COL21A1: variants seen among roughly 807,000 people sequenced by gnomAD.
COL21A1 encodes collagen type XXI alpha 1 chain.
COL21A1 carries 149 observed loss-of-function variants against 137.9 expected under a neutral mutation model. That is an observed-to-expected ratio of 1.08 (90% CI 0.95 to 1.24). The LOEUF (loss-of-function observed/expected upper bound fraction) is 1.24, where lower values mean the gene tolerates loss of function less well. Among genes scored for constraint, COL21A1 ranks in the 50% most tolerant of loss-of-function variants. The pLI is 0.00. For synonymous variants in COL21A1, 456 were observed against 391.5 expected, an observed-to-expected ratio of 1.16 and a Z score of -1.95; for missense variants, 1,167 against 1,158.4, an observed-to-expected ratio of 1.01 and a Z score of -0.11.
rs1246828747 is a variant in COL21A1, at chr6:56,097,861, ATAAAAATATC to A, written c.1812+3601_1812+3610del. On this transcript the variant is annotated intron_variant, in intron 17 of 29. Coordinates refer to ENST00000244728, the MANE Select transcript of COL21A1 (RefSeq NM_030820.4). ...TAAATATATAAATATATATAAATAT[ATAAAAATATC>A]TATAAATATATAAATATATATAAAT... Among the ~76,000 whole-genome samples the A allele has an allele frequency of 9.8e-3, 940 of 95,478 alleles. 100 individuals are homozygous for A. Among genetic ancestry groups the A allele is most frequent in the African/African-American group, 0.042 (901 of 21,378 alleles). The allele number at this position is 95,478 out of a possible 152,430, so 62.6% of individuals were successfully genotyped here. A position where few individuals can be genotyped will look rare whatever the true frequency, so the allele number is the denominator to read the frequency against.
At chr6:56,362,905 C>T (rs7452915) in intron 1 of COL21A1, among the ~76,000 whole-genome samples, 27,968 of 151,998 alleles carry the variant, frequency 0.18, 2,769 homozygotes, top group African/African-American at 0.23. Flanking sequence ...CCCTACCCCC[C>T]ACGCCCACAT....
intron 1 of COL21A1, among the ~76,000 whole-genome samples, chr6:56,312,492 G>A (rs942036376): frequency 6.6e-6 from 1 of 152,192 alleles, no homozygotes; most frequent in Non-Finnish European, 1.5e-5. Context: ...GGAACATTCA[G>A]TAAATGAAAA....
intron 9 of COL21A1, among the ~76,000 whole-genome samples, chr6:56,161,501 T>C (rs1561932062): frequency 6.6e-6 from 1 of 152,270 alleles, no homozygotes; most frequent in East Asian, 1.9e-4. Flanking sequence ...CTTATTGTTT[T>C]GACAATTTCA....
chr6:56,209,582 C>A (rs1174658431), intron 1 of COL21A1, among the ~76,000 whole-genome samples: 2 of 152,064 alleles, frequency 1.3e-5, no homozygotes. Flanking sequence ...CAATGAGATA[C>A]CATCTCATGC....
intron 17 of COL21A1, among the ~76,000 whole-genome samples, chr6:56,097,200 T>A (rs1338384655): frequency 6.6e-6 from 1 of 151,986 alleles, no homozygotes; most frequent in Admixed American, 6.6e-5. Context: ...GAGAGGGGAA[T>A]GGAAGAAAAG....
chr6:56,062,279 C>A (rs1282908387), intron 24 of COL21A1, among the ~76,000 whole-genome samples: 1 of 152,078 alleles, frequency 6.6e-6, no homozygotes, highest in Non-Finnish European at 1.5e-5. Flanking sequence ...GATATAAACA[C>A]TGGGGAGCCC....
At chr6:56,271,784 A>C (rs1437723528) in intron 1 of COL21A1, among the ~76,000 whole-genome samples, 1 of 152,226 alleles carries the variant, frequency 6.6e-6, no homozygotes, top group African/African-American at 2.4e-5. Flanking sequence ...CAGACACTCC[A>C]GCTCCAGCCA....
intron 17 of COL21A1, among the ~76,000 whole-genome samples, chr6:56,081,437 C>T (rs1463294038): frequency 6.6e-6 from 1 of 151,792 alleles, no homozygotes; most frequent in Non-Finnish European, 1.5e-5. Context: ...GTAATACTAT[C>T]ATGACTTTTG....
intron 14 of COL21A1, among the ~76,000 whole-genome samples, chr6:56,124,777 G>A (rs2152212063): frequency 6.6e-6 from 1 of 152,036 alleles, no homozygotes; most frequent in East Asian, 1.9e-4. Flanking sequence ...GAGTAGCTGG[G>A]ACTACAGGCG....
At chr6:56,323,646 C>T (rs1477997548) in intron 1 of COL21A1, among the ~76,000 whole-genome samples, 2 of 152,092 alleles carry the variant, frequency 1.3e-5, no homozygotes, top group Non-Finnish European at 2.9e-5. Context: ...CCTCAGCCTC[C>T]CAAAGTGCTG....
chr6:56,177,619 C>T (rs1777584555), intron 3 of COL21A1, among the ~76,000 whole-genome samples: 1 of 151,630 alleles, frequency 6.6e-6, no homozygotes, highest in Non-Finnish European at 1.5e-5. Context: ...ACGGTGAAAC[C>T]CGTTCTCTAC....
chr6:56,362,756 C>G lies in COL21A1; in HGVS notation c.-39+31215G>C, dbSNP rs541983587. Among the ~76,000 whole-genome samples, 10 of 152,268 alleles carry G rather than the reference C, an allele frequency of 6.6e-5. No individual in the cohort carries two copies. In the South Asian group the frequency reaches 2.1e-3, roughly 32 times the overall value. Reference sequence around the variant, plus strand: ...GCCCTCCCCACTCCCACCACCTCTACCACCTAGGCCCCTCTGTTAAGAACC... The same window carrying G: ...GCCCTCCCCACTCCCACCACCTCTAGCACCTAGGCCCCTCTGTTAAGAACC... On this transcript the variant is annotated intron_variant, in intron 1 of 28. Transcript: ENST00000370819.
intron 1 of COL21A1, among the ~76,000 whole-genome samples, chr6:56,204,074 T>C (rs986144495): frequency 1.3e-5 from 2 of 151,812 alleles, no homozygotes; most frequent in Non-Finnish European, 2.9e-5. Flanking sequence ...GCTGTGGAGT[T>C]TTTTTGTTTG....
At chr6:56,376,147 T>C (rs567884254) in intron 1 of COL21A1, among the ~76,000 whole-genome samples, 1 of 152,184 alleles carries the variant, frequency 6.6e-6, no homozygotes, top group South Asian at 2.1e-4. Flanking sequence ...GCCACAGGAG[T>C]AGAGGGTTTT....
rs934538482 is a variant in COL21A1, at chr6:56,061,044, G to A, written c.2206-7C>T. The A allele has an allele frequency of 1.9e-6, 3 of 1,569,036 alleles. No homozygotes were observed. The highest frequency in any genetic ancestry group is 2.6e-6 in the Non-Finnish European group (3 of 1,165,560). On this transcript the variant is annotated splice_polypyrimidine_tract_variant and splice_region_variant and intron_variant, in intron 25 of 29. Coordinates refer to ENST00000244728, the MANE Select transcript of COL21A1 (RefSeq NM_030820.4). The stretch of plus-strand genomic sequence containing the variant: ...GTTCTCCCTTTTCACCTCTCTAAAA[G>A]CAAAAGAAATCTTTACAAGTTCTAT...
At chr6:56,311,728 C>A (rs9357908) in intron 1 of COL21A1, among the ~76,000 whole-genome samples, 1 of 152,066 alleles carries the variant, frequency 6.6e-6, no homozygotes, top group South Asian at 2.1e-4. Context: ...TTCTTGGGAC[C>A]CATTAGGCCC....
At chr6:56,247,893 AGCATC>A (rs1353092737), upstream of COL21A1, 2 of 152,308 alleles carry the variant, frequency 1.3e-5, no homozygotes, top group Non-Finnish European at 2.9e-5. Flanking sequence ...GCAACACCAG[AGCATC>A]GCCTGCACTG....
intron 9 of COL21A1, among the ~76,000 whole-genome samples, chr6:56,160,638 A>C (rs759903728): frequency 7.2e-5 from 11 of 152,230 alleles, no homozygotes; most frequent in Non-Finnish European, 1.5e-4. Flanking sequence ...GTTTTCAAAA[A>C]TATGTACTCA....
intron 1 of COL21A1, among the ~76,000 whole-genome samples, chr6:56,369,043 T>A (rs776543526): frequency 6.0e-4 from 92 of 152,310 alleles, no homozygotes; most frequent in Non-Finnish European, 1.3e-3. Flanking sequence ...TAGAAATCAA[T>A]GCAAATAAAT....
Sources: allele counts gnomAD v4.1 joint callset (sites outside exome capture counted in the v4.1 genomes callset), GRCh38; gene constraint gnomAD v4.1.1; transcripts MANE v1.5; gene names NCBI Gene and HGNC (gene_info 2026-07-23, HGNC 2026-07-21).